Variants in MECOM observed in about 807,000 individuals in gnomAD.
MECOM encodes MDS1 and EVI1 complex locus.
A neutral mutation model predicts 116.3 loss-of-function variants in MECOM; 13 were observed. That is an observed-to-expected ratio of 0.11 (90% CI 0.07 to 0.18). MECOM has a LOEUF of 0.18. MECOM is among the 10% of genes least tolerant of loss of function. The pLI is 1.00. For synonymous variants in MECOM, 528 were observed against 535.2 expected, an observed-to-expected ratio of 0.99 and a Z score of 0.19; for missense variants, 1,299 against 1,509.0, an observed-to-expected ratio of 0.86 and a Z score of 2.31.
In MECOM at chr3:169,157,507, C is replaced by A. The variant is rs1742167869; in HGVS notation, c.376-13675G>T. Reference sequence around the variant, plus strand: ...TTAGTGAGTGTCACATCTTATGATACATATCAAATGGTAAAATGTCAAAAT... The same window carrying A: ...TTAGTGAGTGTCACATCTTATGATAAATATCAAATGGTAAAATGTCAAAAT... On this transcript the variant is annotated intron_variant, in intron 2 of 16. Transcript: ENST00000651503. Among the ~76,000 whole-genome samples the A allele has an allele frequency of 2.0e-5, 3 of 152,274 alleles. No individual in the cohort carries two copies. In the South Asian group the frequency reaches 6.2e-4, roughly 32 times the overall value.
intron 2 of MECOM, among the ~76,000 whole-genome samples, chr3:169,314,667 G>C (rs1037204360): frequency 2.0e-5 from 3 of 151,826 alleles, no homozygotes; most frequent in Non-Finnish European, 4.4e-5. Flanking sequence ...AGAAAGAAGA[G>C]AATAAAACAG....
At chr3:169,650,825 T>C (rs1774807833) in intron 1 of MECOM, among the ~76,000 whole-genome samples, 1 of 152,096 alleles carries the variant, frequency 6.6e-6, no homozygotes, top group South Asian at 2.1e-4. Flanking sequence ...TCTGTCTGTT[T>C]TGTTCTGAAA....
intron 2 of MECOM, among the ~76,000 whole-genome samples, chr3:169,324,750 G>A (rs1482692311): frequency 6.6e-6 from 1 of 152,206 alleles, no homozygotes; most frequent in East Asian, 1.9e-4. Context: ...AGTGCAGGAA[G>A]AGACTGAGGA....
At chr3:169,558,630 C>G (rs965127795) in intron 1 of MECOM, among the ~76,000 whole-genome samples, 3 of 152,198 alleles carry the variant, frequency 2.0e-5, no homozygotes, top group African/African-American at 7.2e-5. Flanking sequence ...ATCTGGGCCT[C>G]AGCCCAGAAA....
intron 7 of MECOM, among the ~76,000 whole-genome samples, chr3:169,120,545 A>G (rs1272891682): frequency 1.3e-5 from 2 of 152,172 alleles, no homozygotes; most frequent in African/African-American, 4.8e-5. Flanking sequence ...ATCGGCAACA[A>G]TGGGTAGATT....
intron 1 of MECOM, among the ~76,000 whole-genome samples, chr3:169,436,377 A>G (rs540920466): frequency 1.3e-5 from 2 of 151,290 alleles, no homozygotes; most frequent in African/African-American, 4.9e-5. Flanking sequence ...CAGCCTCCCA[A>G]CTAGTTAGTA....
At chr3:169,337,333 GT>G (rs1315180199) in intron 2 of MECOM, among the ~76,000 whole-genome samples, 1 of 152,120 alleles carries the variant, frequency 6.6e-6, no homozygotes, top group African/African-American at 2.4e-5. Flanking sequence ...ATGACTCTCT[GT>G]GATTTACACT....
intron 1 of MECOM, among the ~76,000 whole-genome samples, chr3:169,639,176 C>T (rs181098777): frequency 2.8e-4 from 42 of 152,172 alleles, no homozygotes; most frequent in African/African-American, 8.7e-4. Context: ...TTGGGATTTA[C>T]CTGTTATAGC....
At chr3:169,138,221 T>C (rs920676672) in intron 3 of MECOM, among the ~76,000 whole-genome samples, 8 of 152,112 alleles carry the variant, frequency 5.3e-5, no homozygotes, top group Admixed American at 3.9e-4. Flanking sequence ...TCTTCCTGAA[T>C]GAAAGGCGAT....
chr3:169,365,774 C>A (rs1017461229), intron 2 of MECOM, among the ~76,000 whole-genome samples: 3 of 151,940 alleles, frequency 2.0e-5, no homozygotes, highest in African/African-American at 7.3e-5. Context: ...TCTAAGCCCC[C>A]ACCTGTGCAA....
chr3:169,606,705 G>C (rs1256269655), intron 1 of MECOM, among the ~76,000 whole-genome samples: 1 of 152,136 alleles, frequency 6.6e-6, no homozygotes. Flanking sequence ...ATTCCTCCTC[G>C]CTTATTGCTC....
intron 2 of MECOM, among the ~76,000 whole-genome samples, chr3:169,206,533 C>A (rs551205574): frequency 6.6e-5 from 10 of 152,072 alleles, no homozygotes; most frequent in African/African-American, 2.4e-4. Context: ...GGGCAGATTG[C>A]CTGAAGTCAG....
chr3:169,157,866 C>T (rs771384557), intron 2 of MECOM, among the ~76,000 whole-genome samples: 1 of 152,154 alleles, frequency 6.6e-6, no homozygotes, highest in Non-Finnish European at 1.5e-5. Flanking sequence ...GAAAAATATG[C>T]ACCCTGATTC....
intron 2 of MECOM, among the ~76,000 whole-genome samples, chr3:169,217,770 C>T (rs894849254): frequency 5.3e-5 from 8 of 151,114 alleles, no homozygotes; most frequent in South Asian, 2.1e-4. Flanking sequence ...GGCAACAGAG[C>T]GAGACTCCAT....
intron 1 of MECOM, among the ~76,000 whole-genome samples, chr3:169,527,727 C>A (rs1193368844): frequency 1.3e-5 from 2 of 152,114 alleles, no homozygotes; most frequent in Non-Finnish European, 2.9e-5. Flanking sequence ...AAGACACACA[C>A]ACAGACACAC....
intron 1 of MECOM, among the ~76,000 whole-genome samples, chr3:169,442,881 C>T (rs932371080): frequency 4.6e-5 from 7 of 152,062 alleles, no homozygotes; most frequent in African/African-American, 2.4e-5. Context: ...CTTTATGGCC[C>T]TAATACATTG....
intron 12 of MECOM, among the ~76,000 whole-genome samples, chr3:169,098,202 T>A (rs1179364967): frequency 6.6e-6 from 1 of 152,176 alleles, no homozygotes; most frequent in Non-Finnish European, 1.5e-5. Flanking sequence ...AAATACAGAC[T>A]TTATTTTAAT....
At position 169,084,214 on chromosome 3, in the gene MECOM, T is replaced by A; in HGVS notation, c.*695A>T. 1 of 232,018 alleles carries A rather than the reference T, an allele frequency of 4.3e-6. No individual in the cohort carries two copies. The highest frequency in any genetic ancestry group is 8.5e-6 in the Non-Finnish European group (1 of 117,268). The allele number at this position is 232,018 out of a possible 1,614,324, so 14.4% of individuals were successfully genotyped here. A position where few individuals can be genotyped will look rare whatever the true frequency, so the allele number is the denominator to read the frequency against. On this transcript the variant is annotated 3_prime_UTR_variant, in exon 17 of 17. Transcript: ENST00000651503. ...TTATTACAAGGATTTGGCAAACAATTTATTAGTGGTACAGCGGTACTGGTG... is the reference window on the plus strand; with the variant it reads ...TTATTACAAGGATTTGGCAAACAATATATTAGTGGTACAGCGGTACTGGTG...
intron 2 of MECOM, among the ~76,000 whole-genome samples, chr3:169,303,540 G>A (rs935825976): frequency 1.3e-5 from 2 of 152,116 alleles, no homozygotes; most frequent in South Asian, 4.1e-4. Context: ...AAGATAACAG[G>A]GAGTGGTGAA....
Sources: gnomAD v4.1 joint callset for allele counts (sites outside exome capture counted in the v4.1 genomes callset) on GRCh38, gnomAD v4.1.1 for gene constraint, MANE v1.5 for transcripts, NCBI Gene and HGNC (gene_info 2026-07-23, HGNC 2026-07-21) for gene names.